AOPEP: variants seen among roughly 807,000 people sequenced by gnomAD.
AOPEP encodes aminopeptidase O (putative).
AOPEP carries 77 observed loss-of-function variants against 98.1 expected under a neutral mutation model. The ratio of observed to expected loss-of-function variants is 0.78; its 90% confidence interval spans 0.65 to 0.95. The LOEUF is 0.95. AOPEP is among the 40% of genes least tolerant of loss of function. The pLI, the probability that AOPEP is intolerant of heterozygous loss-of-function variation, is 0.00. For synonymous variants in AOPEP, 346 were observed against 365.3 expected (o/e 0.95, Z 0.60); for missense variants, 1,024 against 1,024.7 (o/e 1.00, Z 0.01).
chr9:95,058,232 A>C (rs868551717), intron 13 of AOPEP, among the ~76,000 whole-genome samples: 1 of 152,210 alleles, frequency 6.6e-6, no homozygotes, highest in Non-Finnish European at 1.5e-5. Context: ...AGTTGGGGTT[A>C]AGTTGAGGAC....
intron 5 of AOPEP, among the ~76,000 whole-genome samples, chr9:94,906,483 A>AATAATAATAAT (rs138384769): frequency 0.01 from 1,462 of 145,716 alleles, 12 homozygotes; most frequent in Non-Finnish European, 0.016. Context: ...TAATAATAAT[A>AATAATAATAAT]AAAAAACAGA....
At chr9:94,866,855 T>C (rs1269514985) in intron 5 of AOPEP, among the ~76,000 whole-genome samples, 1 of 152,248 alleles carries the variant, frequency 6.6e-6, no homozygotes, top group Admixed American at 6.5e-5. Context: ...TTGAAGAGTT[T>C]GGTGACTCAT....
chr9:94,967,496 A>T (rs768099059), intron 9 of AOPEP, among the ~76,000 whole-genome samples: 1 of 152,206 alleles, frequency 6.6e-6, no homozygotes, highest in Non-Finnish European at 1.5e-5. Flanking sequence ...ACAAAACAAA[A>T]TAGACTGTTG....
intron 13 of AOPEP, among the ~76,000 whole-genome samples, chr9:95,035,263 T>G (rs1317966523): frequency 6.6e-6 from 1 of 151,986 alleles, no homozygotes; most frequent in Non-Finnish European, 1.5e-5. Flanking sequence ...ACATACCAGT[T>G]TTCTCCTGAA....
At chr9:95,048,985 C>G (rs2066101523) in intron 13 of AOPEP, 1 of 152,252 alleles carries the variant, frequency 6.6e-6, no homozygotes, top group African/African-American at 2.4e-5. Flanking sequence ...GCCTGCACTG[C>G]CGCCGGGAGA....
intron 7 of AOPEP, among the ~76,000 whole-genome samples, chr9:94,934,215 G>A (rs999320412): frequency 1.1e-4 from 16 of 151,926 alleles, no homozygotes; most frequent in African/African-American, 3.9e-4. Context: ...CCTCCACCAG[G>A]ACCTGGCTCT....
At chr9:94,761,789 G>A (rs965164940) in intron 2 of AOPEP, among the ~76,000 whole-genome samples, 5 of 152,154 alleles carry the variant, frequency 3.3e-5, no homozygotes, top group East Asian at 3.8e-4. Flanking sequence ...GTACAAAAGC[G>A]TAGTGATTTA....
intron 13 of AOPEP, among the ~76,000 whole-genome samples, chr9:95,039,897 G>T (rs2065141929): frequency 6.6e-6 from 1 of 152,180 alleles, no homozygotes; most frequent in Admixed American, 6.5e-5. Context: ...CAGGTTTCAG[G>T]ATGTTAAATT....
chr9:94,984,583 G>A (rs550987232), intron 11 of AOPEP, among the ~76,000 whole-genome samples: 1 of 152,166 alleles, frequency 6.6e-6, no homozygotes, highest in East Asian at 1.9e-4. Context: ...TAAAAATATT[G>A]GTTACATGTT....
chr9:94,765,238 T>C (rs28540393), intron 2 of AOPEP, among the ~76,000 whole-genome samples: 102,819 of 151,616 alleles, frequency 0.68, 35,738 homozygotes, highest in African/African-American at 0.83. Context: ...GCTGGGATTA[T>C]AGGCATGAGC....
intron 13 of AOPEP, among the ~76,000 whole-genome samples, chr9:95,024,819 C>T (rs1249497271): frequency 6.6e-6 from 1 of 152,224 alleles, no homozygotes; most frequent in African/African-American, 2.4e-5. Flanking sequence ...GTTAGATTTT[C>T]ATCCTATCGA....
chr9:95,113,275 C>T, the AOPEP span, among the ~76,000 whole-genome samples: 1 of 152,172 alleles, frequency 6.6e-6, no homozygotes, highest in African/African-American at 2.4e-5. Context: ...GGTGTGTCAC[C>T]CATTGTCTGT....
At chr9:94,772,926 A>C (rs1442654741) in intron 2 of AOPEP, 76 bp from the exon 3 acceptor site, 2 of 1,348,500 alleles carry the variant, frequency 1.5e-6, no homozygotes, top group African/African-American at 2.9e-5. Context: ...CTTAACCTGC[A>C]CTACCATACT....
In AOPEP at chr9:95,039,708, T is replaced by G. The variant is rs553178235; in HGVS notation, c.2116-20986T>G. ...CAGAAACAACTTAGGAGCTTGCTAA[T>G]TTGTTTATCCCTGCTATAGACATGT... On this transcript the variant is annotated intron_variant, in intron 13 of 16. Transcript: ENST00000375315. 3.3e-5 allele frequency among the ~76,000 whole-genome samples: 5 copies of G among 151,966 alleles called. No individual in the cohort carries two copies. In the East Asian group the frequency reaches 7.8e-4, roughly 24 times the overall value.
At chr9:94,752,391 C>T (rs577851610) in intron 1 of AOPEP, among the ~76,000 whole-genome samples, 1 of 151,986 alleles carries the variant, frequency 6.6e-6, no homozygotes, top group South Asian at 2.1e-4. Flanking sequence ...ACACACCCCA[C>T]ATGCATGTAC....
intron 5 of AOPEP, among the ~76,000 whole-genome samples, chr9:94,901,965 A>G (rs1468268720): frequency 6.6e-6 from 1 of 152,156 alleles, no homozygotes; most frequent in East Asian, 1.9e-4. Context: ...GTGCATATGA[A>G]TGAATTGGGG....
At chr9:95,111,406 C>T in the AOPEP span, 3 of 1,598,318 alleles carry the variant, frequency 1.9e-6, no homozygotes, top group Middle Eastern at 1.7e-4. Context: ...TCTCTGCAAG[C>T]TCCTCTCAGC....
intron 1 of AOPEP, among the ~76,000 whole-genome samples, chr9:94,744,751 C>T (rs1046850021): frequency 2.1e-5 from 3 of 144,356 alleles, no homozygotes; most frequent in East Asian, 2.0e-4. Context: ...ATTGGATTTA[C>T]GATAAAATTA....
At chr9:94,919,863 C>T (rs997162864) in intron 5 of AOPEP, among the ~76,000 whole-genome samples, 1 of 152,180 alleles carries the variant, frequency 6.6e-6, no homozygotes, top group Non-Finnish European at 1.5e-5. Flanking sequence ...CCCCCTCTCT[C>T]GGGTCTTCCT....
Sources: gnomAD v4.1 joint callset for allele counts (sites outside exome capture counted in the v4.1 genomes callset) on GRCh38, gnomAD v4.1.1 for gene constraint, MANE v1.5 for transcripts, NCBI Gene and HGNC (gene_info 2026-07-23, HGNC 2026-07-21) for gene names.